The following GALNTL6 variants were observed in gnomAD, a reference collection of about 807,000 sequenced individuals.
GALNTL6 encodes the protein polypeptide N-acetylgalactosaminyltransferase like 6.
Under a neutral mutation model 73.7 loss-of-function variants are expected in GALNTL6, and 46 were observed. The observed-to-expected ratio is 0.62, with a 90% CI of 0.49 to 0.80. The LOEUF is 0.80. GALNTL6 is among the 30% of genes least tolerant of loss of function. GALNTL6 has a pLI of 0.00. For missense variants in GALNTL6, 604 were observed against 755.0 expected (o/e 0.80, Z 2.34); for synonymous variants, 259 against 263.7 (o/e 0.98, Z 0.17).
intron 5 of GALNTL6, among the ~76,000 whole-genome samples, chr4:172,742,362 T>C (rs1420906543): frequency 6.6e-6 from 1 of 151,808 alleles, no homozygotes; most frequent in East Asian, 1.9e-4. Flanking sequence ...GTCACAGCAA[T>C]ATAATTTTCC....
At chr4:173,024,668 T>C (rs1487683841) in intron 12 of GALNTL6, among the ~76,000 whole-genome samples, 2 of 152,152 alleles carry the variant, frequency 1.3e-5, no homozygotes, top group Admixed American at 1.3e-4. Flanking sequence ...TGCAACCTCC[T>C]TTCCCAGGTT....
intron 2 of GALNTL6, among the ~76,000 whole-genome samples, chr4:171,957,544 G>A (rs1359736878): frequency 1.3e-5 from 2 of 152,160 alleles, no homozygotes; most frequent in African/African-American, 4.8e-5. Flanking sequence ...TTAAATGCGT[G>A]GAGGAACAGT....
chr4:172,196,420 G>T (rs534364667), intron 2 of GALNTL6, among the ~76,000 whole-genome samples: 1 of 152,142 alleles, frequency 6.6e-6, no homozygotes, highest in African/African-American at 2.4e-5. Flanking sequence ...AATTGATTAG[G>T]AGGGACTCCT....
chr4:173,009,181 C>A lies in GALNTL6; in HGVS notation c.1375C>A (p.Arg459=). The change falls in exon 11 of 13, where the codon CGA becomes AGA. Residue 459 remains arginine, a synonymous_variant. Coordinates refer to ENST00000506823, the MANE Select transcript of GALNTL6 (RefSeq NM_001034845.3). ...AAATTCTTTCTTCTTTCCACAGATC[C>A]GAAATGTGGCAGCAAATCTCTGTGT... ...EPPPAAWGEI[R]NVAANLCVDS... is the part of the protein sequence containing the mutation. 6.2e-7 allele frequency: 1 copy of A among 1,611,534 alleles called. No individual in the cohort carries two copies. Among genetic ancestry groups the A allele is most frequent in the African/African-American group, 1.3e-5 (1 of 75,014 alleles).
At chr4:172,484,510 G>C (rs1733605086) in intron 5 of GALNTL6, among the ~76,000 whole-genome samples, 2 of 151,540 alleles carry the variant, frequency 1.3e-5, no homozygotes, top group East Asian at 3.9e-4. Context: ...GCGCTGGTTG[G>C]AAACATTGGT....
At chr4:172,200,785 A>G (rs1236991034) in intron 2 of GALNTL6, among the ~76,000 whole-genome samples, 4 of 152,244 alleles carry the variant, frequency 2.6e-5, no homozygotes, top group African/African-American at 4.8e-5. Context: ...GGAGAATAAC[A>G]TAAGTAGTAA....
chr4:172,080,873 T>C (rs1363403711), intron 2 of GALNTL6, among the ~76,000 whole-genome samples: 1 of 151,966 alleles, frequency 6.6e-6, no homozygotes, highest in East Asian at 1.9e-4. Flanking sequence ...AGTATATAAA[T>C]TTACATTTCT....
intron 5 of GALNTL6, among the ~76,000 whole-genome samples, chr4:172,559,029 A>T (rs1413591764): frequency 6.8e-6 from 1 of 146,112 alleles, no homozygotes; most frequent in East Asian, 2.1e-4. Context: ...CTGAGATATA[A>T]GTGGTAAGGA....
chr4:172,800,449 A>G (rs1257131881), intron 5 of GALNTL6, among the ~76,000 whole-genome samples: 1 of 152,166 alleles, frequency 6.6e-6, no homozygotes, highest in African/African-American at 2.4e-5. Context: ...ACTTTGTAAC[A>G]TTTACTGAGT....
intron 2 of GALNTL6, among the ~76,000 whole-genome samples, chr4:171,906,829 G>C (rs1378956349): frequency 6.6e-6 from 1 of 152,046 alleles, no homozygotes; most frequent in Admixed American, 6.5e-5. Flanking sequence ...GGGATGCAAG[G>C]CTGGTTCAAT....
At position 172,434,739 on chromosome 4, in the gene GALNTL6, G is replaced by C. The variant is rs956896298; in HGVS notation, c.553+86050G>C. 2.6e-5 allele frequency among the ~76,000 whole-genome samples: 4 copies of C among 152,176 alleles called. No homozygotes were observed. The South Asian group carries it at 6.2e-4, about 24-fold the overall frequency. Reference sequence around the variant, plus strand: ...CACAAAGAAAAAAAATGGCTTATTGGTCAAAATATCTTTCTGAACTAAGAG... The same window carrying C: ...CACAAAGAAAAAAAATGGCTTATTGCTCAAAATATCTTTCTGAACTAAGAG... On this transcript the variant is annotated intron_variant, in intron 5 of 12. Coordinates refer to ENST00000506823, the MANE Select transcript of GALNTL6 (RefSeq NM_001034845.3).
At chr4:172,176,108 G>A (rs1734983750) in intron 2 of GALNTL6, among the ~76,000 whole-genome samples, 1 of 151,930 alleles carries the variant, frequency 6.6e-6, no homozygotes, top group Non-Finnish European at 1.5e-5. Flanking sequence ...GGGAGGCCGA[G>A]GTGGGCGGAT....
chr4:172,194,562 T>C (rs1735691031), intron 2 of GALNTL6, among the ~76,000 whole-genome samples: 1 of 152,186 alleles, frequency 6.6e-6, no homozygotes, highest in Non-Finnish European at 1.5e-5. Context: ...TGAGGTCGCC[T>C]ATAAAGCGAA....
intron 2 of GALNTL6, among the ~76,000 whole-genome samples, chr4:172,053,502 A>G (rs2110863722): frequency 6.6e-6 from 1 of 152,268 alleles, no homozygotes; most frequent in South Asian, 2.1e-4. Context: ...AGCTGTCTGG[A>G]ATTAATTCTT....
At chr4:171,863,404 A>C (rs1427710198) in intron 2 of GALNTL6, among the ~76,000 whole-genome samples, 2 of 152,232 alleles carry the variant, frequency 1.3e-5, no homozygotes, top group African/African-American at 4.8e-5. Flanking sequence ...AAATAAAAGA[A>C]ATAGAATTTC....
intron 2 of GALNTL6, among the ~76,000 whole-genome samples, chr4:171,829,460 AC>A (rs1734908877): frequency 6.6e-6 from 1 of 152,078 alleles, no homozygotes; most frequent in African/African-American, 2.4e-5. Flanking sequence ...CTTGATATGC[AC>A]CCACATCCAA....
intron 2 of GALNTL6, among the ~76,000 whole-genome samples, chr4:172,033,170 G>GGAGAGAGA (rs70941376): frequency 5.5e-5 from 8 of 146,394 alleles, no homozygotes; most frequent in African/African-American, 1.7e-4. Context: ...ACACACACAC[G>GGAGAGAGA]GAGAGAGAGA....
intron 5 of GALNTL6, among the ~76,000 whole-genome samples, chr4:172,678,546 T>C (rs1732439344): frequency 6.6e-6 from 1 of 152,224 alleles, no homozygotes; most frequent in African/African-American, 2.4e-5. Context: ...GGTTTCTCCA[T>C]GTTGGTCAAG....
At chr4:172,071,796 A>G (rs1166519305) in intron 2 of GALNTL6, among the ~76,000 whole-genome samples, 1 of 152,156 alleles carries the variant, frequency 6.6e-6, no homozygotes, top group Non-Finnish European at 1.5e-5. Context: ...GGAAAAAAGA[A>G]AGACTTCAGG....
Sources: allele counts gnomAD v4.1 joint callset (sites outside exome capture counted in the v4.1 genomes callset), GRCh38; gene constraint gnomAD v4.1.1; transcripts MANE v1.5; gene names NCBI Gene and HGNC (gene_info 2026-07-23, HGNC 2026-07-21).